The following MARCHF3 variants were observed in gnomAD, a reference collection of about 807,000 sequenced individuals.
MARCHF3 encodes membrane associated ring-CH-type finger 3.
Under a neutral mutation model 24.2 loss-of-function variants are expected in MARCHF3, and 13 were observed. The observed-to-expected ratio is 0.54, with a 90% CI of 0.35 to 0.85. The LOEUF (loss-of-function observed/expected upper bound fraction) is 0.85. Among genes scored for constraint, MARCHF3 ranks in the 40% least tolerant of loss-of-function variants. MARCHF3 has a pLI of 0.01. For synonymous variants in MARCHF3, 144 were observed against 137.3 expected, an observed-to-expected ratio of 1.05 and a Z score of -0.34; for missense variants, 276 against 325.0, an observed-to-expected ratio of 0.85 and a Z score of 1.16.
At chr5:126,993,030 C>T (rs1005586186) in intron 1 of MARCHF3, among the ~76,000 whole-genome samples, 1 of 152,156 alleles carries the variant, frequency 6.6e-6, no homozygotes, top group Non-Finnish European at 1.5e-5. Context: ...CCTCGGCCTC[C>T]CAAATTGCTG....
In MARCHF3 at chr5:126,888,064, A is replaced by C. The variant is rs546833423; in HGVS notation, c.394-9670T>G. On this transcript the variant is annotated intron_variant, in intron 3 of 4. Coordinates refer to ENST00000308660, the MANE Select transcript of MARCHF3 (RefSeq NM_178450.5). ...TTAAATATCTAATTTGTGCTTGATAAATATTAGCTGAAGAAATAAATCCTT... is the reference window on the plus strand; with the variant it reads ...TTAAATATCTAATTTGTGCTTGATACATATTAGCTGAAGAAATAAATCCTT... Among the ~76,000 whole-genome samples, 26 of 152,362 alleles carry C rather than the reference A, an allele frequency of 1.7e-4. 1 individual carries two copies. The highest frequency in any genetic ancestry group is 6.3e-4 in the African/African-American group (26 of 41,580).
At chr5:126,981,201 C>T (rs1332954124) in intron 1 of MARCHF3, among the ~76,000 whole-genome samples, 1 of 152,206 alleles carries the variant, frequency 6.6e-6, no homozygotes, top group Non-Finnish European at 1.5e-5. Context: ...ATGACTGCTT[C>T]CTAGGCATCT....
intron 1 of MARCHF3, among the ~76,000 whole-genome samples, chr5:127,016,154 A>G (rs1273907999): frequency 6.6e-6 from 1 of 152,178 alleles, no homozygotes; most frequent in Non-Finnish European, 1.5e-5. Context: ...TACATGTAGG[A>G]AAAAAACATA....
chr5:126,918,121 G>A lies in MARCHF3; in HGVS notation c.51C>T (p.Thr17=). 6.2e-7 allele frequency: 1 copy of A among 1,614,162 alleles called. No homozygotes were observed. The highest frequency in any genetic ancestry group is 1.1e-5 in the South Asian group (1 of 91,084). The change falls in exon 2 of 5, where the codon ACC becomes ACT. Residue 17 remains threonine (T), a synonymous_variant. Coordinates refer to ENST00000308660, the MANE Select transcript of MARCHF3 (RefSeq NM_178450.5). The part of the protein sequence containing the change: ...SHLPEVLPDC[T]SSAAPVVKTV... ...TCTTCACCACGGGTGCAGCTGAGCT[G>A]GTGCAGTCTGGCAGGACTTCGGGCA...
intron 3 of MARCHF3, among the ~76,000 whole-genome samples, chr5:126,894,790 G>A (rs1302477175): frequency 6.6e-6 from 1 of 151,848 alleles, no homozygotes; most frequent in Non-Finnish European, 1.5e-5. Flanking sequence ...TATGTGTCTT[G>A]GAGTTGCTCT....
intron 1 of MARCHF3, among the ~76,000 whole-genome samples, chr5:127,003,551 AC>A (rs1487749726): frequency 6.6e-6 from 1 of 151,712 alleles, no homozygotes; most frequent in Non-Finnish European, 1.5e-5. Flanking sequence ...GGAGATGGAG[AC>A]CATCCTGTCT....
At chr5:126,885,822 A>G (rs1236557751) in intron 3 of MARCHF3, among the ~76,000 whole-genome samples, 1 of 152,072 alleles carries the variant, frequency 6.6e-6, no homozygotes, top group Non-Finnish European at 1.5e-5. Context: ...AAATATCTAC[A>G]CATTGTTTTG....
At chr5:126,921,869 G>A (rs887560489) in intron 1 of MARCHF3, among the ~76,000 whole-genome samples, 3 of 152,314 alleles carry the variant, frequency 2.0e-5, no homozygotes, top group African/African-American at 7.2e-5. Context: ...GGAGGAGCGG[G>A]AGTAGGTGGA....
At chr5:126,994,796 G>T (rs1277784887) in intron 1 of MARCHF3, among the ~76,000 whole-genome samples, 1 of 152,216 alleles carries the variant, frequency 6.6e-6, no homozygotes, top group African/African-American at 2.4e-5. Context: ...GGAAGCCAGT[G>T]GTGGCCCAGT....
intron 1 of MARCHF3, among the ~76,000 whole-genome samples, chr5:126,963,279 T>C (rs575676033): frequency 1.3e-5 from 2 of 152,186 alleles, no homozygotes; most frequent in Non-Finnish European, 1.5e-5. Flanking sequence ...TGATGAATTA[T>C]AAGAACAGAC....
At chr5:126,883,537 G>C (rs758030901) in intron 3 of MARCHF3, among the ~76,000 whole-genome samples, 6 of 152,210 alleles carry the variant, frequency 3.9e-5, no homozygotes. Flanking sequence ...TGAGACAGAA[G>C]AGGGGATTAA....
intron 1 of MARCHF3, among the ~76,000 whole-genome samples, chr5:126,944,573 C>T (rs202042172): frequency 2.0e-5 from 3 of 152,154 alleles, no homozygotes; most frequent in East Asian, 3.9e-4. Flanking sequence ...AAGAGCGACA[C>T]CCTGTCTCAA....
rs1026087430 is a variant in MARCHF3 at position 126,868,265 on chromosome 5, C to T, written c.*2368G>A. 6.6e-6 allele frequency: 1 copy of T among 152,170 alleles called. No homozygotes were observed. The highest frequency in any genetic ancestry group is 2.4e-5 in the African/African-American group (1 of 41,436). The allele number at this position is 152,170 out of a possible 1,614,324, so 9.4% of individuals were successfully genotyped here. A position where few individuals can be genotyped will look rare whatever the true frequency, so the allele number is the denominator to read the frequency against. On this transcript the variant is annotated 3_prime_UTR_variant, in exon 5 of 5. Transcript: ENST00000308660. ...ATATCCTCCAAGAGTTCAGAATCCC[C>T]TATGGGCCCTGATGCTGATGGAGAT...
At chr5:126,882,681 C>A (rs1753382624) in intron 3 of MARCHF3, among the ~76,000 whole-genome samples, 1 of 152,158 alleles carries the variant, frequency 6.6e-6, no homozygotes, top group Non-Finnish European at 1.5e-5. Flanking sequence ...TTCAAACTTA[C>A]CTTTACATCA....
intron 1 of MARCHF3, among the ~76,000 whole-genome samples, chr5:126,963,291 CTAAAA>C (rs1166850170): frequency 3.3e-5 from 5 of 152,044 alleles, no homozygotes; most frequent in South Asian, 2.1e-4. Flanking sequence ...AGAACAGACC[CTAAAA>C]TAATACAATT....
intron 1 of MARCHF3, among the ~76,000 whole-genome samples, chr5:127,028,711 T>A (rs1753080324): frequency 6.9e-6 from 1 of 145,526 alleles, no homozygotes; most frequent in African/African-American, 2.5e-5. Flanking sequence ...TCTGGAGGGA[T>A]TTTTTTTTCT....
chr5:127,002,796 C>G (rs1432313502), intron 1 of MARCHF3, among the ~76,000 whole-genome samples: 4 of 152,218 alleles, frequency 2.6e-5, no homozygotes, highest in Non-Finnish European at 4.4e-5. Flanking sequence ...GATTCCAACC[C>G]CTTCTTGGAA....
intron 1 of MARCHF3, among the ~76,000 whole-genome samples, chr5:127,028,866 C>T (rs751646522): frequency 6.6e-6 from 1 of 152,222 alleles, no homozygotes; most frequent in Non-Finnish European, 1.5e-5. Context: ...ACTTGAGAGG[C>T]AGGCTTTGTT....
At chr5:126,973,434 G>A (rs889803386) in intron 1 of MARCHF3, among the ~76,000 whole-genome samples, 5 of 152,252 alleles carry the variant, frequency 3.3e-5, no homozygotes, top group African/African-American at 1.2e-4. Flanking sequence ...GCCAGGTGGA[G>A]CAATCCAGAA....
Sources: allele counts gnomAD v4.1 joint callset (sites outside exome capture counted in the v4.1 genomes callset), GRCh38; gene constraint gnomAD v4.1.1; transcripts MANE v1.5; gene names NCBI Gene and HGNC (gene_info 2026-07-23, HGNC 2026-07-21).